Variants in NOC3L observed in about 807,000 individuals in gnomAD.
The protein encoded by NOC3L is NOC3 like DNA replication regulator.
Under a neutral mutation model 102.5 loss-of-function variants are expected in NOC3L, and 85 were observed. The observed-to-expected ratio is 0.83, with a 90% CI of 0.70 to 0.99. The LOEUF (loss-of-function observed/expected upper bound fraction) is 0.99, where lower values mean the gene tolerates loss of function less well. Ranked by LOEUF, NOC3L falls within the 50% of genes least tolerant of loss-of-function variation. NOC3L has a pLI of 0.00. For missense variants in NOC3L, 878 were observed against 914.9 expected (o/e 0.96, Z 0.52); for synonymous variants, 303 against 309.4 (o/e 0.98, Z 0.22).
In NOC3L at chr10:94,344,438, T is replaced by C; in HGVS notation, c.1548A>G (p.Pro516=). 6.2e-7 allele frequency: 1 copy of C among 1,613,336 alleles called. No individual in the cohort carries two copies. The highest frequency in any genetic ancestry group is 8.5e-7 in the Non-Finnish European group (1 of 1,179,362). Residue 516 remains proline, a synonymous_variant, in exon 13 of 21, where the codon CCA becomes CCG. Transcript: ENST00000371361. ...LKKAQRSPLL[P]AVLEGLAKFA... ...ACTTGGCAAGACCTTCTAGAACTGC[T>C]GGCAGGAGAGGTGACCTCTGGGCCT...
chr10:94,328,259 T>C (rs1200412838), downstream of NOC3L: 2 of 222,370 alleles, frequency 9.0e-6, no homozygotes, highest in African/African-American at 2.2e-5. Flanking sequence ...ACAGTAAATA[T>C]TTTAGGGCTG....
downstream of NOC3L, chr10:94,331,269 C>G (rs1294585615): frequency 6.6e-6 from 1 of 152,168 alleles, no homozygotes; most frequent in Non-Finnish European, 1.5e-5. Flanking sequence ...ACACTGGAAG[C>G]TCATTAATGA....
rs952436870 is a variant in NOC3L at position 94,334,804 on chromosome 10, T to C, written c.2190-86A>G. 60 of 944,982 alleles carry C rather than the reference T, an allele frequency of 6.3e-5. No homozygotes were observed. The Admixed American group carries it at 1.1e-3, about 17-fold the overall frequency. 58.5% of individuals were successfully genotyped at this position (944,982 alleles called of 1,614,324 possible). A position where few individuals can be genotyped will look rare whatever the true frequency, so the allele number is the denominator to read the frequency against. ...TAGATTATACTCAGAGAATGATTCA[T>C]TCTTAACCCATATATTAAGGTATAA... On this transcript the variant is annotated intron_variant, in intron 19 of 20. Transcript: ENST00000371361.
the NOC3L span, among the ~76,000 whole-genome samples, chr10:94,320,655 G>T: frequency 2.0e-5 from 3 of 152,192 alleles, no homozygotes; most frequent in Non-Finnish European, 4.4e-5. Context: ...GACCTCACTT[G>T]CTGAGATGAG....
At position 94,361,859 on chromosome 10, in the gene NOC3L, T is replaced by C; in HGVS notation, c.23A>G (p.Lys8Arg). MKARRNKKQIPSFRKLIK... is the reference protein window; with the variant it reads MKARRNKRQIPSFRKLIK... The stretch of plus-strand genomic sequence containing the variant: ...TAACTTGCGAAAGCTTGGGATCTGT[T>C]TTTTATTTCTTCTCTAGAAAATAAC... The change falls in exon 2 of 21, where the codon AAA becomes AGA. Residue 8 changes from lysine to arginine, a missense_variant. Transcript: ENST00000371361. 1.9e-6 allele frequency: 3 copies of C among 1,607,840 alleles called. No homozygotes were observed. The highest frequency in any genetic ancestry group is 2.6e-6 in the Non-Finnish European group (3 of 1,176,166).
chr10:94,316,332 T>C, the NOC3L span, among the ~76,000 whole-genome samples: 1 of 152,212 alleles, frequency 6.6e-6, no homozygotes, highest in Admixed American at 6.5e-5. Context: ...TTATGCTGTC[T>C]GGGGATTATG....
chr10:94,324,487 G>C, the NOC3L span: 5 of 1,614,202 alleles, frequency 3.1e-6, no homozygotes, highest in South Asian at 2.2e-5. Context: ...GGTCCTTCTG[G>C]ATCAGGAGTG....
rs193036003 is a variant in NOC3L, at chr10:94,358,488, T to G, written c.218-273A>C. On this transcript the variant is annotated intron_variant, in intron 2 of 20. Transcript: ENST00000371361. ...CTGGAAAAATGCTAGCATCTCTGACTCCTGCAATCTAAATGCCAATAGCAT... is the reference window on the plus strand; with the variant it reads ...CTGGAAAAATGCTAGCATCTCTGACGCCTGCAATCTAAATGCCAATAGCAT... Among the ~76,000 whole-genome samples, 12 of 152,330 alleles carry G rather than the reference T, an allele frequency of 7.9e-5. No individual in the cohort carries two copies. The East Asian group carries it at 2.1e-3, about 27-fold the overall frequency.
At chr10:94,324,957 A>T in the NOC3L span, 1 of 1,614,188 alleles carries the variant, frequency 6.2e-7, no homozygotes, top group Non-Finnish European at 8.5e-7. Flanking sequence ...TCACCAAGTC[A>T]ACTAAACAGC....
intron 19 of NOC3L, among the ~76,000 whole-genome samples, chr10:94,337,058 G>A (rs866298623): frequency 7.0e-6 from 1 of 143,278 alleles, no homozygotes; most frequent in Admixed American, 7.0e-5. Context: ...AACAGAGTGA[G>A]ACTCCATCTC....
At chr10:94,321,122 ATTCATTCAGCCT>A in the NOC3L span, among the ~76,000 whole-genome samples, 2 of 152,210 alleles carry the variant, frequency 1.3e-5, no homozygotes, top group Non-Finnish European at 2.9e-5. Context: ...ACCTCCAGCC[ATTCATTCAGCCT>A]TGTCACTGCA....
Position 94,344,396 on chromosome 10 carries a change from C to T in NOC3L, c.1571+19G>A, listed in dbSNP as rs768857347. On this transcript the variant is annotated intron_variant, in intron 13 of 20. Transcript: ENST00000371361. ...TATTTAGAAGGAATCTAAAAGATTT[C>T]AACCTACACAGCCCTTACTTGGCAA... 5.2e-6 allele frequency: 8 copies of T among 1,546,218 alleles called. No homozygotes were observed. The highest frequency in any genetic ancestry group is 7.1e-6 in the Non-Finnish European group (8 of 1,127,534).
Position 94,333,670 on chromosome 10 carries a change from T to G in NOC3L, c.*507A>C, listed in dbSNP as rs1366784305. The G allele has an allele frequency of 1.3e-5, 2 of 152,118 alleles. No individual in the cohort carries two copies. The highest frequency in any genetic ancestry group is 4.8e-5 in the African/African-American group (2 of 41,434). The allele number at this position is 152,118 out of a possible 1,614,324, so 9.4% of individuals were successfully genotyped here. On this transcript the variant is annotated 3_prime_UTR_variant, in exon 21 of 21. Transcript: ENST00000371361. The stretch of plus-strand genomic sequence containing the variant: ...GCCAATGAACCTGAATACAAGCTAT[T>G]TTTTTCTTTTCTCAAATATCTTCAT...
intron 19 of NOC3L, among the ~76,000 whole-genome samples, chr10:94,335,225 T>C (rs965528751): frequency 5.3e-5 from 8 of 152,098 alleles, no homozygotes; most frequent in Admixed American, 1.3e-4. Context: ...CCAAAACACA[T>C]AGGCAAGGGC....
chr10:94,335,622 C>A (rs1267108326), intron 19 of NOC3L, among the ~76,000 whole-genome samples: 1 of 152,194 alleles, frequency 6.6e-6, no homozygotes, highest in Non-Finnish European at 1.5e-5. Context: ...AACTGACTGA[C>A]TACTGTCATG....
rs544800900 is a variant in NOC3L at position 94,336,494 on chromosome 10, C to A, written c.2189+1283G>T. ...TCCCAAGTAGCTGGGACTACAGGAA[C>A]CCACCACCACGCCTGGCTAATTTTT... On this transcript the variant is annotated intron_variant, in intron 19 of 20. Coordinates refer to ENST00000371361, the MANE Select transcript of NOC3L (RefSeq NM_022451.11). Among the ~76,000 whole-genome samples, 77 of 151,968 alleles carry A rather than the reference C, an allele frequency of 5.1e-4. 1 individual carries two copies. The highest frequency in any genetic ancestry group is 7.9e-4 in the Admixed American group (12 of 15,282).
rs770944651 is a variant in NOC3L, at chr10:94,346,531, C to G, written c.1283G>C (p.Arg428Thr). The part of the protein sequence containing the change: ...PEMLKTFLCL[R>T]IKEVEVKKDT... The stretch of plus-strand genomic sequence containing the variant: ...TTTTTTCACTTCTACTTCCTTGATT[C>G]TTAGGCATAAAAATGTTTTTAACAT... Residue 428 changes from arginine (R) to threonine (T), a missense_variant, in exon 11 of 21, where the codon AGA becomes ACA. By Grantham distance (71) the Arg-to-Thr change is moderately conservative. Transcript: ENST00000371361. The G allele has an allele frequency of 2.1e-6, 3 of 1,418,052 alleles. No homozygotes were observed. The highest frequency in any genetic ancestry group is 2.8e-6 in the Non-Finnish European group (3 of 1,058,480). 87.8% of individuals were successfully genotyped at this position (1,418,052 alleles called of 1,614,324 possible). A position where few individuals can be genotyped will look rare whatever the true frequency, so the allele number is the denominator to read the frequency against.
At chr10:94,335,879 G>C (rs1429618586) in intron 19 of NOC3L, among the ~76,000 whole-genome samples, 1 of 152,114 alleles carries the variant, frequency 6.6e-6, no homozygotes, top group Non-Finnish European at 1.5e-5. Context: ...TGAGTACATT[G>C]TAAGGTGCTA....
At chr10:94,315,243 G>A in the NOC3L span, 6 of 352,578 alleles carry the variant, frequency 1.7e-5, no homozygotes, top group South Asian at 1.3e-4. Context: ...CACTCCCACT[G>A]CCCTCAGTCC....
Sources: gnomAD v4.1 joint callset for allele counts (sites outside exome capture counted in the v4.1 genomes callset) on GRCh38, gnomAD v4.1.1 for gene constraint, MANE v1.5 for transcripts, NCBI Gene and HGNC (gene_info 2026-07-23, HGNC 2026-07-21) for gene names.